Variants in G2E3 observed in about 807,000 individuals in gnomAD.
G2E3 encodes the protein G2/M phase-specific E3 ubiquitin-protein ligase.
G2E3 carries 35 observed loss-of-function variants against 92.8 expected under a neutral mutation model. That is an observed-to-expected ratio of 0.38 (90% confidence interval 0.29 to 0.50). The LOEUF (loss-of-function observed/expected upper bound fraction) is 0.50, where lower values mean the gene tolerates loss of function less well. G2E3 is among the 20% of genes least tolerant of loss of function. The pLI, the probability that G2E3 is intolerant of heterozygous loss-of-function variation, is 0.94. For missense variants in G2E3, 554 were observed against 823.8 expected, an observed-to-expected ratio of 0.67 and a Z score of 4.01; for synonymous variants, 242 against 272.4, an observed-to-expected ratio of 0.89 and a Z score of 1.10.
At chr14:30,597,646 T>C (rs1192953512) in intron 7 of G2E3, 120 bp downstream of exon 7, 9 of 662,796 alleles carry the variant, frequency 1.4e-5, no homozygotes, top group Non-Finnish European at 1.9e-5. Context: ...TTTCAAATGG[T>C]GAAATGCAAA....
chr14:30,587,570 G>T (rs1187654630), intron 3 of G2E3, among the ~76,000 whole-genome samples: 1 of 152,198 alleles, frequency 6.6e-6, no homozygotes, highest in Non-Finnish European at 1.5e-5. Flanking sequence ...TTCAGGCTCA[G>T]AGTCTCATGA....
intron 3 of G2E3, 119 bp downstream of exon 3, chr14:30,586,934 C>CT (rs1880742989): frequency 2.4e-6 from 1 of 411,108 alleles, no homozygotes; most frequent in South Asian, 1.0e-4. Context: ...CTCATTTTGT[C>CT]TATCTCTAAA....
At chr14:30,610,717 A>G (rs1594512393) in intron 12 of G2E3, among the ~76,000 whole-genome samples, 2 of 152,356 alleles carry the variant, frequency 1.3e-5, no homozygotes, top group South Asian at 2.1e-4. Flanking sequence ...TCTGTATCTC[A>G]TAGACCCAGA....
rs143363903 is a variant in G2E3, at chr14:30,597,786, C to G, written c.635+260C>G. ...AATTTTAATTGATTGACTTTGTACA[C>G]TTATAATAGGCTTCAAAATGTATAA... is the stretch of plus-strand genomic sequence containing the variant. On this transcript the variant is annotated intron_variant, in intron 7 of 14. Coordinates refer to ENST00000206595, the MANE Select transcript of G2E3 (RefSeq NM_017769.5). Among the ~76,000 whole-genome samples the G allele has an allele frequency of 2.3e-3, 343 of 152,162 alleles. 1 individual carries two copies. Among genetic ancestry groups the G allele is most frequent in the African/African-American group, 8.0e-3 (331 of 41,496 alleles).
chr14:30,593,656 G>A lies in G2E3; in HGVS notation c.528+17G>A. 1 of 1,557,940 alleles carries A rather than the reference G, an allele frequency of 6.4e-7. No homozygotes were observed. The highest frequency in any genetic ancestry group is 8.8e-7 in the Non-Finnish European group (1 of 1,135,550). On this transcript the variant is annotated intron_variant, in intron 6 of 14. Coordinates refer to ENST00000206595, the MANE Select transcript of G2E3 (RefSeq NM_017769.5). Reference sequence around the variant, plus strand: ...TGTTTACAGGTAAGATACATATTTTGTAAGCTTTCTCTGATTGATATAAAA... The same window carrying A: ...TGTTTACAGGTAAGATACATATTTTATAAGCTTTCTCTGATTGATATAAAA...
chr14:30,602,110 C>A lies in G2E3; in HGVS notation c.989C>A (p.Ser330Tyr). Reference protein sequence around the residue: ...SPKLPRQSPGSQSKDLLRQGS... With the variant: ...SPKLPRQSPGYQSKDLLRQGS... The stretch of plus-strand genomic sequence containing the variant: ...AAATTACCCAGACAGTCACCTGGAT[C>A]CCAGAGTAAAGATCTACTGAGGTAT... The change falls in exon 10 of 15, where the codon TCC becomes TAC. Residue 330 changes from serine to tyrosine, a missense_variant. Transcript: ENST00000206595. The A allele has an allele frequency of 6.2e-7, 1 of 1,609,526 alleles. No homozygotes were observed. Among genetic ancestry groups the A allele is most frequent in the South Asian group, 1.1e-5 (1 of 90,600 alleles).
chr14:30,616,890 T>C lies in G2E3; in HGVS notation c.*356T>C, dbSNP rs1465774639. On this transcript the variant is annotated 3_prime_UTR_variant, in exon 15 of 15. Coordinates refer to ENST00000206595, the MANE Select transcript of G2E3 (RefSeq NM_017769.5). ...ATTTTTTGTAAATTAGGATTACATA[T>C]AGAATGCCACAATTTCTCTAGGTTT... 2 of 158,382 alleles carry C rather than the reference T, an allele frequency of 1.3e-5. No individual in the cohort carries two copies. Among genetic ancestry groups the C allele is most frequent in the African/African-American group, 4.8e-5 (2 of 41,638 alleles). 9.8% of individuals were successfully genotyped at this position (158,382 alleles called of 1,614,324 possible).
At chr14:30,587,163 G>C (rs1880756471) in intron 3 of G2E3, among the ~76,000 whole-genome samples, 1 of 152,144 alleles carries the variant, frequency 6.6e-6, no homozygotes, top group African/African-American at 2.4e-5. Flanking sequence ...TCTGAGAAAA[G>C]ATTTGTTTGA....
chr14:30,604,241 A>G (rs1323930282), intron 10 of G2E3, among the ~76,000 whole-genome samples: 3 of 152,188 alleles, frequency 2.0e-5, no homozygotes, highest in Non-Finnish European at 4.4e-5. Context: ...CTTACTTCCA[A>G]AGGACTTTCG....
At chr14:30,565,650 CTTTTTTTTTTTTTTTT>C (rs537643569) in intron 1 of G2E3, among the ~76,000 whole-genome samples, 18 of 62,230 alleles carry the variant, frequency 2.9e-4, no homozygotes, top group Non-Finnish European at 4.2e-4. Flanking sequence ...AACTTCATTC[CTTTTTTTTTTTTTTTT>C]TTTTTTTTTT....
chr14:30,611,292 AGG>A (rs762402087), intron 12 of G2E3: 21 of 152,360 alleles, frequency 1.4e-4, no homozygotes, highest in Non-Finnish European at 2.4e-4. Context: ...TTACTCCGAC[AGG>A]GTGTAAAGAT....
intron 2 of G2E3, among the ~76,000 whole-genome samples, 171 bp downstream of exon 2, chr14:30,581,287 A>G (rs1252575886): frequency 6.6e-6 from 1 of 152,196 alleles, no homozygotes; most frequent in African/African-American, 2.4e-5. Flanking sequence ...TCAGAAGGCA[A>G]TTTATTTGCC....
chr14:30,562,457 C>T (rs1240450006), intron 1 of G2E3, among the ~76,000 whole-genome samples: 4 of 152,272 alleles, frequency 2.6e-5, no homozygotes, highest in East Asian at 1.9e-4. Context: ...CTGTTATGCC[C>T]GGACAGGGCC....
At chr14:30,560,634 G>A in intron 1 of G2E3, 2 of 578,998 alleles carry the variant, frequency 3.5e-6, no homozygotes, top group East Asian at 2.8e-5. Flanking sequence ...AAAATTGATC[G>A]CTATATCCTA....
At chr14:30,612,542 C>T (rs1882143383) in intron 13 of G2E3, among the ~76,000 whole-genome samples, 163 bp downstream of exon 13, 1 of 152,088 alleles carries the variant, frequency 6.6e-6, no homozygotes, top group Admixed American at 6.6e-5. Context: ...AGGATGGTTA[C>T]TGTTCTGATC....
intron 10 of G2E3, among the ~76,000 whole-genome samples, chr14:30,604,772 C>T (rs1303759748): frequency 1.3e-5 from 2 of 152,088 alleles, no homozygotes; most frequent in African/African-American, 4.8e-5. Context: ...GGAGAGATTA[C>T]ATTTGCTTTT....
At position 30,583,729 on chromosome 14, in the gene G2E3, A is replaced by G. The variant is rs183885526; in HGVS notation, c.37+2613A>G. On this transcript the variant is annotated intron_variant, in intron 2 of 14. Transcript: ENST00000206595. Reference sequence around the variant, plus strand: ...TAGCTCCATTTAGCTGTTCCACAATATGTACATATATCAAAACATCGTGCT... The same window carrying G: ...TAGCTCCATTTAGCTGTTCCACAATGTGTACATATATCAAAACATCGTGCT... 1.0e-3 allele frequency among the ~76,000 whole-genome samples: 154 copies of G among 152,346 alleles called. 1 individual carries two copies. The highest frequency in any genetic ancestry group is 4.8e-3 in the East Asian group (25 of 5,190).
intron 10 of G2E3, among the ~76,000 whole-genome samples, chr14:30,603,217 T>G (rs1195133127): frequency 6.6e-6 from 1 of 151,838 alleles, no homozygotes; most frequent in Admixed American, 6.6e-5. Flanking sequence ...TCCCAGCTAC[T>G]TGGGAGGCTG....
intron 1 of G2E3, 193 bp from the exon 2 acceptor site, chr14:30,580,883 A>G: frequency 1.9e-6 from 1 of 513,998 alleles, no homozygotes; most frequent in South Asian, 2.3e-5. Flanking sequence ...ATTCCCTTCA[A>G]TTTAAAAAAT....
Sources: allele counts gnomAD v4.1 joint callset (sites outside exome capture counted in the v4.1 genomes callset), GRCh38; gene constraint gnomAD v4.1.1; transcripts MANE v1.5; gene names NCBI Gene and HGNC (gene_info 2026-07-23, HGNC 2026-07-21).